Variants in MRPL21 observed in about 807,000 individuals in gnomAD.
The protein encoded by MRPL21 is large ribosomal subunit protein bL21m.
MRPL21 carries 20 observed loss-of-function variants against 27.3 expected under a neutral mutation model. That is an observed-to-expected ratio of 0.73 (90% confidence interval 0.52 to 1.06). The LOEUF (loss-of-function observed/expected upper bound fraction) is 1.06. Ranked by LOEUF, MRPL21 falls within the 50% of genes least tolerant of loss-of-function variation. The pLI is 0.00. For synonymous variants in MRPL21, 98 were observed against 101.5 expected (o/e 0.97, Z 0.21); for missense variants, 249 against 251.4 (o/e 0.99, Z 0.06).
In MRPL21 at chr11:68,900,606, C is replaced by G. The variant is rs770017430; in HGVS notation, c.89-1G>C. 1 of 1,612,828 alleles carries G rather than the reference C, an allele frequency of 6.2e-7. No homozygotes were observed. Among genetic ancestry groups the G allele is most frequent in the Non-Finnish European group, 8.5e-7 (1 of 1,178,882 alleles). ...CTTCGAGAAGCAGACCAAAGGGAGG[C>G]TGAGGGAAGAAGAGAAACACAGATC... is the stretch of plus-strand genomic sequence containing the variant. On this transcript the variant is annotated splice_acceptor_variant, in intron 1 of 6. Coordinates refer to ENST00000362034, the MANE Select transcript of MRPL21 (RefSeq NM_181514.2). LOFTEE classifies it high-confidence loss of function.
chr11:68,891,905 C>T, intron 6 of MRPL21: 1 of 499,574 alleles, frequency 2.0e-6, no homozygotes, highest in Non-Finnish European at 3.4e-6. Flanking sequence ...GGCCCATGCC[C>T]CGTGGGTGCC....
rs1011139084 is a variant in MRPL21 at position 68,891,318 on chromosome 11, A to G, written c.*13T>C. ...AGTTTATTTTTATCCTTTTGTAAGT[A>G]TTAACTCGGTAATCACAACAAACAC... is the stretch of plus-strand genomic sequence containing the variant. On this transcript the variant is annotated 3_prime_UTR_variant, in exon 7 of 7. Coordinates refer to ENST00000362034, the MANE Select transcript of MRPL21 (RefSeq NM_181514.2). The G allele has an allele frequency of 1.2e-6, 2 of 1,613,266 alleles. No homozygotes were observed. Among genetic ancestry groups the G allele is most frequent in the Non-Finnish European group, 1.7e-6 (2 of 1,179,304 alleles).
intron 5 of MRPL21, 24 bp from the exon 6 acceptor site, chr11:68,893,017 T>A (rs1171453077): frequency 6.5e-7 from 1 of 1,528,974 alleles, no homozygotes; most frequent in African/African-American, 1.4e-5. Context: ...AAATCAACAA[T>A]AATGTACCTT....
At chr11:68,899,626 G>A (rs530289603) in intron 2 of MRPL21, among the ~76,000 whole-genome samples, 3 of 152,238 alleles carry the variant, frequency 2.0e-5, no homozygotes, top group Non-Finnish European at 4.4e-5. Context: ...AGTGCCCAGT[G>A]TGAGAAGAAC....
At chr11:68,899,417 C>T (rs1023514257) in intron 2 of MRPL21, among the ~76,000 whole-genome samples, 3 of 152,172 alleles carry the variant, frequency 2.0e-5, no homozygotes, top group Admixed American at 1.3e-4. Flanking sequence ...TTGGCTGGCG[C>T]GCAGGAGGGG....
chr11:68,900,619 A>G lies in MRPL21; in HGVS notation c.89-14T>C. 6.2e-7 allele frequency: 1 copy of G among 1,607,806 alleles called. No homozygotes were observed. The highest frequency in any genetic ancestry group is 2.2e-5 in the East Asian group (1 of 44,842). ...ACCAAAGGGAGGCTGAGGGAAGAAG[A>G]GAAACACAGATCATTACCATTAATA... On this transcript the variant is annotated splice_polypyrimidine_tract_variant and intron_variant, in intron 1 of 6. Transcript: ENST00000362034.
At chr11:68,901,222 C>T (rs1857927259) in intron 1 of MRPL21, among the ~76,000 whole-genome samples, 1 of 152,188 alleles carries the variant, frequency 6.6e-6, no homozygotes. Flanking sequence ...GCAGTGGAGT[C>T]TTGAGATAAC....
At position 68,903,800 on chromosome 11, in the gene MRPL21, G is replaced by A. The variant is rs764142098; in HGVS notation, c.11C>T (p.Ser4Phe). 2 of 1,409,876 alleles carry A rather than the reference G, an allele frequency of 1.4e-6. No individual in the cohort carries two copies. Among genetic ancestry groups the A allele is most frequent in the Non-Finnish European group, 1.9e-6 (2 of 1,030,802 alleles). 87.3% of individuals were successfully genotyped at this position (1,409,876 alleles called of 1,614,324 possible). A position where few individuals can be genotyped will look rare whatever the true frequency, so the allele number is the denominator to read the frequency against. MAA[S>F]SLTVTLGRLA... The stretch of plus-strand genomic sequence containing the variant: ...CCGCCCTAAGGTGACCGTCAGGGAA[G>A]ATGCTGCCATGGCCGCAGCCTCGGC... The change falls in exon 1 of 7, where the codon TCT (serine) becomes TTT (phenylalanine). Residue 4 changes from serine (S) to phenylalanine (F), a missense_variant. Physicochemically the swap from Ser to Phe is radical, Grantham distance 155 (BLOSUM62 -2). Transcript: ENST00000362034.
intron 4 of MRPL21, among the ~76,000 whole-genome samples, chr11:68,895,582 G>A (rs1221489145): frequency 1.3e-5 from 2 of 151,886 alleles, no homozygotes; most frequent in Non-Finnish European, 2.9e-5. Context: ...CCCAGGAGGT[G>A]GGGGTTGCAG....
chr11:68,900,706 A>G (rs1566418337), intron 1 of MRPL21, 101 bp from the exon 2 acceptor site: 1 of 1,039,992 alleles, frequency 9.6e-7, no homozygotes, highest in East Asian at 2.4e-5. Flanking sequence ...GGTACATGGT[A>G]TGAACCACTG....
Position 68,896,511 on chromosome 11 carries a change from T to C in MRPL21, c.396+4A>G. 1 of 1,613,758 alleles carries C rather than the reference T, an allele frequency of 6.2e-7. No homozygotes were observed. The highest frequency in any genetic ancestry group is 8.5e-7 in the Non-Finnish European group (1 of 1,179,722). ...GAATATCCAGAGAAGCTCGGTGGTCTCACCTTCTCCAGTCGAATTCTCTCT... is the reference window on the plus strand; with the variant it reads ...GAATATCCAGAGAAGCTCGGTGGTCCCACCTTCTCCAGTCGAATTCTCTCT... On this transcript the variant is annotated splice_donor_region_variant and intron_variant, in intron 4 of 6. Coordinates refer to ENST00000362034, the MANE Select transcript of MRPL21 (RefSeq NM_181514.2).
chr11:68,893,219 C>A, intron 5 of MRPL21, 184 bp downstream of exon 5: 1 of 1,403,714 alleles, frequency 7.1e-7, no homozygotes, highest in Non-Finnish European at 9.4e-7. Flanking sequence ...AGCAAGAGAC[C>A]AATAATTTGG....
intron 5 of MRPL21, 183 bp from the exon 6 acceptor site, chr11:68,893,176 A>G (rs1857696093): frequency 1.5e-6 from 2 of 1,343,180 alleles, no homozygotes; most frequent in Non-Finnish European, 2.0e-6. Context: ...GGGAGTCTGA[A>G]CAAATCTTCA....
intron 3 of MRPL21, among the ~76,000 whole-genome samples, chr11:68,897,174 T>G (rs1451314231): frequency 4.6e-5 from 7 of 152,244 alleles, no homozygotes; most frequent in African/African-American, 1.7e-4. Context: ...GCGTTCCCCC[T>G]GCACGCCTGT....
At chr11:68,899,665 C>A (rs1253125426) in intron 2 of MRPL21, among the ~76,000 whole-genome samples, 2 of 152,216 alleles carry the variant, frequency 1.3e-5, no homozygotes, top group African/African-American at 4.8e-5. Context: ...TAACCTCTCA[C>A]ACAGGACACA....
chr11:68,892,640 T>C, intron 6 of MRPL21: 1 of 1,414,280 alleles, frequency 7.1e-7, no homozygotes, highest in African/African-American at 1.6e-5. Flanking sequence ...CGAGGTGGGG[T>C]CACGTGCGGA....
rs981288122 is a variant in MRPL21 at position 68,903,657 on chromosome 11, G to A, written c.88+66C>T. ...CACCAGGTCGGACCCAGGCACATAC[G>A]TGGCGAGACCGCAGGGAGCAGCGCT... On this transcript the variant is annotated intron_variant, in intron 1 of 6. Transcript: ENST00000362034. 9.7e-6 allele frequency: 15 copies of A among 1,543,674 alleles called. No individual in the cohort carries two copies. The Admixed American group carries it at 1.8e-4, about 19-fold the overall frequency.
In MRPL21 at chr11:68,893,458, GA is replaced by G; in HGVS notation, c.397-4del. On this transcript the variant is annotated splice_polypyrimidine_tract_variant and splice_region_variant and intron_variant, in intron 4 of 6. Transcript: ENST00000362034. ...TTGTCTGCCCCAACCAGCAGGACCT[GA>G]AAAATTCAACAGGTGTGTTTCATCA... 6.2e-7 allele frequency: 1 copy of G among 1,614,210 alleles called. No individual in the cohort carries two copies. The highest frequency in any genetic ancestry group is 1.1e-5 in the South Asian group (1 of 91,084).
At chr11:68,900,909 G>A (rs1004885411) in intron 1 of MRPL21, among the ~76,000 whole-genome samples, 1 of 152,350 alleles carries the variant, frequency 6.6e-6, no homozygotes, top group African/African-American at 2.4e-5. Flanking sequence ...CCCAAGCGTG[G>A]GAGCAGCCTC....
Sources: allele counts gnomAD v4.1 joint callset (sites outside exome capture counted in the v4.1 genomes callset), GRCh38; gene constraint gnomAD v4.1.1; transcripts MANE v1.5; gene names NCBI Gene and HGNC (gene_info 2026-07-23, HGNC 2026-07-21).